TAFA2: variants seen among roughly 807,000 people sequenced by gnomAD.
TAFA2 encodes chemokine-like protein TAFA-2.
A neutral mutation model predicts 18.8 loss-of-function variants in TAFA2; 7 were observed. That is an observed-to-expected ratio of 0.37 (90% CI 0.21 to 0.70). The LOEUF is 0.70. Ranked by LOEUF, TAFA2 falls within the 30% of genes least tolerant of loss-of-function variation. The probability of loss-of-function intolerance (pLI) is 0.53; values close to 1 mark genes in which losing one functional copy is unlikely to be tolerated. For synonymous variants in TAFA2, 60 were observed against 54.2 expected (o/e 1.11, Z -0.47); for missense variants, 122 against 158.1 (o/e 0.77, Z 1.23).
At chr12:61,734,864 C>A (rs762113189) in intron 4 of TAFA2, among the ~76,000 whole-genome samples, 2 of 151,972 alleles carry the variant, frequency 1.3e-5, no homozygotes, top group Admixed American at 6.6e-5. Flanking sequence ...CCCTTCATCA[C>A]CCCTTCTTTC....
chr12:61,757,842 T>C (rs960269462), intron 2 of TAFA2, among the ~76,000 whole-genome samples: 2 of 152,070 alleles, frequency 1.3e-5, no homozygotes, highest in Admixed American at 1.3e-4. Flanking sequence ...ATTGTCCATT[T>C]AAAAAGTAAT....
chr12:62,060,269 T>C (rs565188942), intron 1 of TAFA2, among the ~76,000 whole-genome samples: 1 of 152,262 alleles, frequency 6.6e-6, no homozygotes, highest in African/African-American at 2.4e-5. Flanking sequence ...CAATCATGCA[T>C]CACATAATGA....
chr12:62,103,568 C>T (rs1869303591), intron 1 of TAFA2, among the ~76,000 whole-genome samples: 1 of 152,082 alleles, frequency 6.6e-6, no homozygotes, highest in African/African-American at 2.4e-5. Context: ...ATGGAGAAAT[C>T]CCATCTCTAC....
chr12:62,164,362 C>T (rs1174772909), intron 1 of TAFA2, among the ~76,000 whole-genome samples: 1 of 152,122 alleles, frequency 6.6e-6, no homozygotes, highest in Admixed American at 6.6e-5. Context: ...AACTTGCAGA[C>T]AAAAGCCAGG....
At chr12:62,010,193 T>C (rs1281083038) in intron 1 of TAFA2, among the ~76,000 whole-genome samples, 1 of 135,420 alleles carries the variant, frequency 7.4e-6, no homozygotes, top group Non-Finnish European at 1.6e-5. Context: ...CATTTCTTTA[T>C]TTGGTCTCCC....
intron 2 of TAFA2, among the ~76,000 whole-genome samples, chr12:61,863,340 C>A (rs1426861672): frequency 2.0e-5 from 3 of 152,158 alleles, no homozygotes; most frequent in Non-Finnish European, 4.4e-5. Flanking sequence ...ACAGATGATC[C>A]ACAGGGGCAT....
chr12:61,889,795 A>C (rs1875546191), intron 1 of TAFA2, among the ~76,000 whole-genome samples: 1 of 152,152 alleles, frequency 6.6e-6, no homozygotes, highest in Non-Finnish European at 1.5e-5. Flanking sequence ...AGACTTTTTA[A>C]ATTGTTTTGT....
intron 4 of TAFA2, among the ~76,000 whole-genome samples, chr12:61,750,093 C>A (rs141533768): frequency 7.2e-5 from 11 of 152,100 alleles, no homozygotes; most frequent in African/African-American, 2.4e-4. Flanking sequence ...AGCTCTGCAG[C>A]ATCTTTCCCC....
Position 62,142,908 on chromosome 12 carries a change from G to A in TAFA2, c.-2+48351C>T, listed in dbSNP as rs77959036. ...TAACATCTTTAATCCTTATGAGAAC[G>A]CTATTATATAAGTACTACTATTGTT... On this transcript the variant is annotated intron_variant, in intron 1 of 4. Coordinates refer to ENST00000416284, the MANE Select transcript of TAFA2 (RefSeq NM_178539.5). Among the ~76,000 whole-genome samples, 4 of 152,052 alleles carry A rather than the reference G, an allele frequency of 2.6e-5. No homozygotes were observed. The South Asian group carries it at 6.2e-4, about 24-fold the overall frequency.
At chr12:61,817,581 C>T (rs1157419753) in intron 2 of TAFA2, among the ~76,000 whole-genome samples, 1 of 152,040 alleles carries the variant, frequency 6.6e-6, no homozygotes, top group Non-Finnish European at 1.5e-5. Flanking sequence ...CAAAGGTTAT[C>T]TTAAAGTTAG....
At chr12:62,085,436 A>G (rs1374364909) in intron 1 of TAFA2, among the ~76,000 whole-genome samples, 2 of 152,178 alleles carry the variant, frequency 1.3e-5, no homozygotes, top group African/African-American at 2.4e-5. Flanking sequence ...AGCAGAAGAA[A>G]ATTGTCCTGG....
intron 1 of TAFA2, among the ~76,000 whole-genome samples, chr12:62,058,293 A>G (rs1316772665): frequency 1.3e-5 from 2 of 152,180 alleles, no homozygotes; most frequent in Non-Finnish European, 2.9e-5. Context: ...TCCTAACCTA[A>G]GGAGTAGAAT....
At chr12:61,750,242 A>G (rs1331646913) in intron 4 of TAFA2, among the ~76,000 whole-genome samples, 2 of 152,084 alleles carry the variant, frequency 1.3e-5, no homozygotes, top group Non-Finnish European at 2.9e-5. Flanking sequence ...GGCTTGAATG[A>G]CTTTTCCTTT....
intron 1 of TAFA2, among the ~76,000 whole-genome samples, chr12:61,900,164 G>A (rs1173373887): frequency 6.6e-6 from 1 of 152,182 alleles, no homozygotes; most frequent in African/African-American, 2.4e-5. Context: ...ACAACTAGAA[G>A]TATTCCTATA....
chr12:61,762,511 C>T (rs1261736395), intron 2 of TAFA2, among the ~76,000 whole-genome samples: 3 of 151,656 alleles, frequency 2.0e-5, no homozygotes, highest in Non-Finnish European at 4.4e-5. Context: ...ATGTTAATTA[C>T]CTTTATTTTT....
intron 1 of TAFA2, among the ~76,000 whole-genome samples, chr12:61,917,141 G>A (rs1007236743): frequency 2.0e-5 from 3 of 152,174 alleles, no homozygotes; most frequent in African/African-American, 4.8e-5. Context: ...TAACTGTCAG[G>A]AGAGCCTGGC....
chr12:62,217,962 GTATGTATTTATTTATT>G (rs771864461), intron 1 of TAFA2, among the ~76,000 whole-genome samples: 43 of 131,714 alleles, frequency 3.3e-4, no homozygotes, highest in Non-Finnish European at 3.7e-4. Flanking sequence ...CTATTTTTAT[GTATGTATTTATTTATT>G]TATTTATTTA....
At chr12:62,010,397 G>T (rs1880697778) in intron 1 of TAFA2, among the ~76,000 whole-genome samples, 1 of 152,078 alleles carries the variant, frequency 6.6e-6, no homozygotes, top group African/African-American at 2.4e-5. Context: ...ACCTCGAGTG[G>T]TCTGCCCACC....
chr12:62,230,120 TC>T (rs2062805718), intron 1 of TAFA2, among the ~76,000 whole-genome samples: 1 of 150,748 alleles, frequency 6.6e-6, no homozygotes, highest in Non-Finnish European at 1.5e-5. Context: ...TAATTTTTTT[TC>T]TTAGTCTAGC....
Sources: allele counts gnomAD v4.1 joint callset (sites outside exome capture counted in the v4.1 genomes callset), GRCh38; gene constraint gnomAD v4.1.1; transcripts MANE v1.5; gene names NCBI Gene and HGNC (gene_info 2026-07-23, HGNC 2026-07-21).